Variants in EGFR observed in about 807,000 individuals in gnomAD.
The protein encoded by EGFR is epidermal growth factor receptor, also known as avian erythroblastic leukemia viral (v-erb-b) oncogene homolog.
A neutral mutation model predicts 143.0 loss-of-function variants in EGFR; 58 were observed. The ratio of observed to expected loss-of-function variants is 0.41; its 90% CI spans 0.33 to 0.50. The LOEUF is 0.50. EGFR is among the 20% of genes least tolerant of loss of function. EGFR has a pLI of 0.39. For missense variants in EGFR, 1,307 were observed against 1,579.0 expected, an observed-to-expected ratio of 0.83 and a Z score of 2.92; for synonymous variants, 613 against 594.4, an observed-to-expected ratio of 1.03 and a Z score of -0.45.
At chr7:55,114,879 C>CTTTTT (rs777244842) in intron 1 of EGFR, among the ~76,000 whole-genome samples, 3 of 122,746 alleles carry the variant, frequency 2.4e-5, no homozygotes, top group African/African-American at 6.1e-5. Flanking sequence ...TTGTATTATT[C>CTTTTT]TTTTTTTTTT....
chr7:55,154,453 C>T (rs1785312680), intron 7 of EGFR, among the ~76,000 whole-genome samples: 1 of 152,224 alleles, frequency 6.6e-6, no homozygotes, highest in Non-Finnish European at 1.5e-5. Flanking sequence ...ACCACTCATC[C>T]AGCAGCCACA....
intron 22 of EGFR, among the ~76,000 whole-genome samples, chr7:55,196,178 A>ATTTTTTTTCTTTTTT (rs71561929): frequency 1.1e-5 from 1 of 88,126 alleles, no homozygotes; most frequent in East Asian, 3.1e-4. Context: ...ATGTGTTGGG[A>ATTTTTTTTCTTTTTT]TTTTTTTTTT....
intron 1 of EGFR, among the ~76,000 whole-genome samples, chr7:55,140,050 T>TG (rs1418316708): frequency 6.6e-6 from 1 of 151,632 alleles, no homozygotes; most frequent in African/African-American, 2.4e-5. Context: ...AAGGGGCTTT[T>TG]GGGGGGTCAT....
chr7:55,143,356 C>G lies in EGFR; in HGVS notation c.292C>G (p.Arg98Gly), dbSNP rs1794575659. 6.2e-7 allele frequency: 1 copy of G among 1,614,134 alleles called. No homozygotes were observed. Among genetic ancestry groups the G allele is most frequent in the Non-Finnish European group, 8.5e-7 (1 of 1,180,042 alleles). ...CCTCATTGCCCTCAACACAGTGGAGCGAATTCCTTTGGAAAACCTGCAGAT... is the reference window on the plus strand; with the variant it reads ...CCTCATTGCCCTCAACACAGTGGAGGGAATTCCTTTGGAAAACCTGCAGAT... ...YVLIALNTVE[R>G]IPLENLQIIR... The change falls in exon 3 of 28, where the codon CGA becomes GGA. Residue 98 changes from arginine (R) to glycine (G), a missense_variant. Around this residue, in one of 7 missense-constraint regions of EGFR, gnomAD observed 311 missense variants for 412.3 expected, o/e 0.75. Coordinates refer to ENST00000275493, the MANE Select transcript of EGFR (RefSeq NM_005228.5).
chr7:55,150,426 A>G (rs1333709300), intron 4 of EGFR, among the ~76,000 whole-genome samples: 1 of 152,190 alleles, frequency 6.6e-6, no homozygotes, highest in Non-Finnish European at 1.5e-5. Context: ...CCTTGGTGGT[A>G]TTCTGGCTTC....
chr7:55,149,976 C>A (rs1794948198), intron 4 of EGFR, among the ~76,000 whole-genome samples: 1 of 152,120 alleles, frequency 6.6e-6, no homozygotes. Context: ...TTGATTAACT[C>A]TGGATGAGTC....
chr7:55,035,105 G>A lies in EGFR; in HGVS notation c.88+15740G>A, dbSNP rs190949239. On this transcript the variant is annotated intron_variant, in intron 1 of 27. Transcript: ENST00000275493. ...TTCGAGCTTAACACATAAGACTTGGGAGGCAAAACCTTTTATTCTCTTTAA... is the reference window on the plus strand; with the variant it reads ...TTCGAGCTTAACACATAAGACTTGGAAGGCAAAACCTTTTATTCTCTTTAA... 4.8e-4 allele frequency among the ~76,000 whole-genome samples: 73 copies of A among 152,238 alleles called. 1 individual carries two copies. Among genetic ancestry groups the A allele is most frequent in the African/African-American group, 1.6e-3 (66 of 41,560 alleles).
In EGFR at chr7:55,206,483, G is replaced by A. The variant is rs1015817244; in HGVS notation, c.*866G>A. ...GCCCACATTGGATTCATCAGCATTTGGACCAATAGCCCACAGCTGAGAATG... is the reference window on the plus strand; with the variant it reads ...GCCCACATTGGATTCATCAGCATTTAGACCAATAGCCCACAGCTGAGAATG... On this transcript the variant is annotated 3_prime_UTR_variant, in exon 28 of 28. Coordinates refer to ENST00000275493, the MANE Select transcript of EGFR (RefSeq NM_005228.5). 3.0e-5 allele frequency: 7 copies of A among 233,166 alleles called. No homozygotes were observed. The highest frequency in any genetic ancestry group is 1.3e-4 in the African/African-American group (6 of 45,316). The allele number at this position is 233,166 out of a possible 1,614,324, so 14.4% of individuals were successfully genotyped here. A position where few individuals can be genotyped will look rare whatever the true frequency, so the allele number is the denominator to read the frequency against.
intron 1 of EGFR, among the ~76,000 whole-genome samples, chr7:55,097,065 C>T (rs541025546): frequency 1.4e-4 from 21 of 152,304 alleles, no homozygotes; most frequent in Non-Finnish European, 2.2e-4. Flanking sequence ...TACCTGTGCT[C>T]TTTCTGAAGC....
intron 1 of EGFR, among the ~76,000 whole-genome samples, chr7:55,140,307 G>A (rs536068330): frequency 1.3e-5 from 2 of 152,168 alleles, no homozygotes; most frequent in African/African-American, 4.8e-5. Flanking sequence ...GCATCCTGAG[G>A]AAACTCTTCT....
chr7:55,077,136 G>T (rs1790172901), intron 1 of EGFR, among the ~76,000 whole-genome samples: 1 of 151,978 alleles, frequency 6.6e-6, no homozygotes, highest in African/African-American at 2.4e-5. Context: ...TTATTATTTA[G>T]ACCCCAAAGA....
chr7:55,112,686 G>A (rs1412328360), intron 1 of EGFR, among the ~76,000 whole-genome samples: 4 of 152,178 alleles, frequency 2.6e-5, no homozygotes, highest in African/African-American at 9.7e-5. Context: ...AGTAGGAAAC[G>A]CTGGATGGGA....
At position 55,208,594 on chromosome 7, in the gene EGFR, C is replaced by T. The variant is rs2128976667; in HGVS notation, c.*2977C>T. The T allele has an allele frequency of 6.6e-6, 1 of 152,314 alleles. No individual in the cohort carries two copies. The highest frequency in any genetic ancestry group is 2.1e-4 in the South Asian group (1 of 4,822). The allele number at this position is 152,314 out of a possible 1,614,324, so 9.4% of individuals were successfully genotyped here. The stretch of plus-strand genomic sequence containing the variant: ...TCTAATTACACCATGCCCGTCACCC[C>T]ATGAGGGATCAGAGAAGGGATGAGT... On this transcript the variant is annotated 3_prime_UTR_variant, in exon 28 of 28. Transcript: ENST00000275493.
At chr7:55,132,407 A>G (rs532786406) in intron 1 of EGFR, among the ~76,000 whole-genome samples, 3 of 152,228 alleles carry the variant, frequency 2.0e-5, no homozygotes, top group Non-Finnish European at 2.9e-5. Flanking sequence ...CTATGAACAA[A>G]CCAGGAAGGA....
At chr7:55,042,946 T>C (rs1187340761) in intron 1 of EGFR, among the ~76,000 whole-genome samples, 2 of 152,132 alleles carry the variant, frequency 1.3e-5, no homozygotes, top group Admixed American at 6.6e-5. Context: ...AGATGTGTCA[T>C]GTATTATGTT....
intron 1 of EGFR, among the ~76,000 whole-genome samples, chr7:55,067,665 A>C (rs945428543): frequency 6.6e-6 from 1 of 151,526 alleles, no homozygotes; most frequent in African/African-American, 2.5e-5. Context: ...AATATTTTTA[A>C]ATTTTAAAAT....
In EGFR at chr7:55,160,293, G is replaced by A. The variant is rs769434273; in HGVS notation, c.1453G>A (p.Gly485Ser). ...CTGGAAAAAACTGTTTGGGACCTCCGGTCAGAAAACCAAAATTATAAGCAA... is the reference window on the plus strand; with the variant it reads ...CTGGAAAAAACTGTTTGGGACCTCCAGTCAGAAAACCAAAATTATAAGCAA... ...INWKKLFGTS[G>S]QKTKIISNRG... is the part of the protein sequence containing the mutation. The change falls in exon 12 of 28, where the codon GGT (glycine) becomes AGT (serine). Residue 485 changes from glycine (G) to serine (S), a missense_variant. Gly to Ser is a moderately conservative substitution (Grantham distance 56, BLOSUM62 0). Transcript: ENST00000275493. 42 of 1,613,726 alleles carry A rather than the reference G, an allele frequency of 2.6e-5. No homozygotes were observed. The highest frequency in any genetic ancestry group is 6.6e-5 in the South Asian group (6 of 91,068).
At chr7:55,193,651 G>T (rs1208627593) in intron 22 of EGFR, among the ~76,000 whole-genome samples, 1 of 152,172 alleles carries the variant, frequency 6.6e-6, no homozygotes, top group Non-Finnish European at 1.5e-5. Flanking sequence ...AGGAAAATAA[G>T]TTACCCCAGC....
At chr7:55,162,275 C>G (rs914402845) in intron 13 of EGFR, among the ~76,000 whole-genome samples, 12 of 152,160 alleles carry the variant, frequency 7.9e-5, no homozygotes, top group Admixed American at 6.5e-4. Context: ...AGGATAGAGG[C>G]CAAGGCCATG....
Sources: gnomAD v4.1 joint callset for allele counts (sites outside exome capture counted in the v4.1 genomes callset) on GRCh38, gnomAD v4.1.1 for gene constraint, gnomAD v4.1.1 regional missense constraint, MANE v1.5 for transcripts, NCBI Gene and HGNC (gene_info 2026-07-23, HGNC 2026-07-21) for gene names.